The following ZNF292 variants were observed in gnomAD, a reference collection of about 807,000 sequenced individuals.
The protein encoded by ZNF292 is 16 zinc-finger domain protein.
Under a neutral mutation model 217.9 loss-of-function variants are expected in ZNF292, and 26 were observed. The observed-to-expected ratio is 0.12, with a 90% CI of 0.09 to 0.17. ZNF292 has a LOEUF of 0.17. Among genes scored for constraint, ZNF292 ranks in the 10% least tolerant of loss-of-function variants. ZNF292 has a pLI of 1.00. For missense variants in ZNF292, 2,904 were observed against 3,175.2 expected (o/e 0.91, Z 2.05); for synonymous variants, 1,257 against 1,124.1 (o/e 1.12, Z -2.37).
At position 87,257,931 on chromosome 6, in the gene ZNF292, G is replaced by A; in HGVS notation, c.4302G>A (p.Leu1434=). 1 of 1,613,880 alleles carries A rather than the reference G, an allele frequency of 6.2e-7. No homozygotes were observed. Among genetic ancestry groups the A allele is most frequent in the Non-Finnish European group, 8.5e-7 (1 of 1,179,820 alleles). ...SMILSTNAVN[L]QQPQQSTFNP... The stretch of plus-strand genomic sequence containing the variant: ...TTCTCTCCACAAATGCAGTAAATTT[G>A]CAGCAGCCACAACAATCTACCTTCA... Residue 1434 remains leucine (L), a synonymous_variant, in exon 8 of 8, where the codon TTG becomes TTA. Coordinates refer to ENST00000369577, the MANE Select transcript of ZNF292 (RefSeq NM_015021.3).
chr6:87,232,832 T>A (rs776384049), intron 4 of ZNF292, among the ~76,000 whole-genome samples: 53 of 152,220 alleles, frequency 3.5e-4, no homozygotes, highest in Non-Finnish European at 6.2e-4. Flanking sequence ...AAGTCAGATT[T>A]CAGCTTTGTA....
At chr6:87,234,074 A>G (rs1424777524) in intron 5 of ZNF292, among the ~76,000 whole-genome samples, 1 of 152,232 alleles carries the variant, frequency 6.6e-6, no homozygotes, top group African/African-American at 2.4e-5. Flanking sequence ...GGTATAAAGC[A>G]TAGTATTCAC....
At chr6:87,176,616 C>T (rs1378169501) in intron 1 of ZNF292, among the ~76,000 whole-genome samples, 2 of 152,224 alleles carry the variant, frequency 1.3e-5, no homozygotes, top group East Asian at 1.9e-4. Context: ...CTATCACCCT[C>T]AATGTTTTCT....
rs541127683 is a variant in ZNF292 at position 87,176,994 on chromosome 6, C to T, written c.168+21235C>T. 2.6e-5 allele frequency among the ~76,000 whole-genome samples: 4 copies of T among 152,078 alleles called. No individual in the cohort carries two copies. The East Asian group carries it at 7.7e-4, about 29-fold the overall frequency. On this transcript the variant is annotated intron_variant, in intron 1 of 7. Coordinates refer to ENST00000369577, the MANE Select transcript of ZNF292 (RefSeq NM_015021.3). Reference sequence around the variant, plus strand: ...CTGTTGCTATTCTGATGCACCGCCTCCCCCGGCCCCCCACTCCTCCCCACA... The same window carrying T: ...CTGTTGCTATTCTGATGCACCGCCTTCCCCGGCCCCCCACTCCTCCCCACA...
chr6:87,229,932 G>T (rs1165686617), intron 4 of ZNF292, among the ~76,000 whole-genome samples: 1 of 151,826 alleles, frequency 6.6e-6, no homozygotes, highest in Non-Finnish European at 1.5e-5. Context: ...CTAGTAGATT[G>T]CTACGAAGTA....
intron 1 of ZNF292, among the ~76,000 whole-genome samples, chr6:87,183,569 T>C (rs557179612): frequency 3.3e-5 from 5 of 152,172 alleles, no homozygotes; most frequent in African/African-American, 1.2e-4. Flanking sequence ...CTGGAAAAAA[T>C]AATTTTTACA....
intron 5 of ZNF292, among the ~76,000 whole-genome samples, chr6:87,240,036 G>C (rs1057355799): frequency 2.5e-4 from 38 of 152,006 alleles, no homozygotes; most frequent in African/African-American, 9.2e-4. Flanking sequence ...GCCGAGATCA[G>C]ACCACTGCAC....
At chr6:87,232,800 A>T (rs956784545) in intron 4 of ZNF292, among the ~76,000 whole-genome samples, 1 of 152,134 alleles carries the variant, frequency 6.6e-6, no homozygotes, top group African/African-American at 2.4e-5. Flanking sequence ...ATTTTGATTC[A>T]TTATAAAACA....
rs747967885 is a variant in ZNF292, at chr6:87,261,473, C to T, written c.7844C>T (p.Pro2615Leu). The part of the protein sequence containing the change: ...KQKKNTDKDH[P>L]NTGNKKGSHS... Reference sequence around the variant, plus strand: ...AAGAAAAATACTGACAAAGACCATCCGAATACTGGAAACAAAAAAGGATCC... The same window carrying T: ...AAGAAAAATACTGACAAAGACCATCTGAATACTGGAAACAAAAAAGGATCC... Residue 2615 changes from proline (P) to leucine (L), a missense_variant, in exon 8 of 8, where the codon CCG (proline) becomes CTG (leucine). This residue lies in a region of ZNF292 where 380 missense variants were observed against 355.3 expected (regional missense o/e 1.07). Transcript: ENST00000369577. 13 of 1,603,876 alleles carry T rather than the reference C, an allele frequency of 8.1e-6. No homozygotes were observed. The highest frequency in any genetic ancestry group is 3.3e-5 in the South Asian group (3 of 89,824).
intron 1 of ZNF292, among the ~76,000 whole-genome samples, chr6:87,159,400 G>A (rs1361737862): frequency 6.6e-6 from 1 of 150,756 alleles, no homozygotes; most frequent in African/African-American, 2.4e-5. Context: ...TTTGAGAGAT[G>A]GGGTCTTGCT....
chr6:87,182,485 C>T (rs1457049486), intron 1 of ZNF292, among the ~76,000 whole-genome samples: 1 of 152,108 alleles, frequency 6.6e-6, no homozygotes, highest in East Asian at 1.9e-4. Flanking sequence ...CACTCCTACG[C>T]TTTTAGAGGA....
intron 5 of ZNF292, among the ~76,000 whole-genome samples, chr6:87,238,639 ATT>A (rs71018004): frequency 7.3e-6 from 1 of 136,122 alleles, no homozygotes; most frequent in Non-Finnish European, 1.6e-5. Context: ...GTAAGTATTT[ATT>A]TTTTTTATTT....
At position 87,218,587 on chromosome 6, in the gene ZNF292, T is replaced by C. The variant is rs761337881; in HGVS notation, c.403-9T>C. 5 of 1,524,060 alleles carry C rather than the reference T, an allele frequency of 3.3e-6. No individual in the cohort carries two copies. The South Asian group carries it at 5.1e-5, about 16-fold the overall frequency. The allele number at this position is 1,524,060 out of a possible 1,614,324, so 94.4% of individuals were successfully genotyped here. On this transcript the variant is annotated splice_polypyrimidine_tract_variant and intron_variant, in intron 3 of 7. Coordinates refer to ENST00000369577, the MANE Select transcript of ZNF292 (RefSeq NM_015021.3). The stretch of plus-strand genomic sequence containing the variant: ...TGTAATTCTTTGGATGTTTATTTAA[T>C]ATTTATAGGTAGCTCATGAAAAGCT...
rs141943870 is a variant in ZNF292, at chr6:87,229,229, C to T, written c.539-4096C>T. 3.6e-3 allele frequency among the ~76,000 whole-genome samples: 546 copies of T among 152,110 alleles called. 2 individuals carry two copies. Among genetic ancestry groups the T allele is most frequent in the African/African-American group, 0.013 (525 of 41,470 alleles). On this transcript the variant is annotated intron_variant, in intron 4 of 7. Transcript: ENST00000369577. ...TTTTGAACTGTTCATTGTTAGTGTA[C>T]AGATGCAACTGATATTTATGTGTGG...
chr6:87,182,834 A>G (rs1461878216), intron 1 of ZNF292, among the ~76,000 whole-genome samples: 4 of 152,206 alleles, frequency 2.6e-5, no homozygotes, highest in Non-Finnish European at 5.9e-5. Flanking sequence ...ATAAATCAGT[A>G]AAACAGCAGG....
intron 5 of ZNF292, among the ~76,000 whole-genome samples, chr6:87,241,715 C>T (rs950782698): frequency 1.1e-4 from 17 of 152,128 alleles, no homozygotes; most frequent in East Asian, 1.9e-4. Context: ...CCACCGTGTC[C>T]GGCCAGAGCT....
At chr6:87,234,123 G>A (rs1773785307) in intron 5 of ZNF292, among the ~76,000 whole-genome samples, 2 of 152,180 alleles carry the variant, frequency 1.3e-5, no homozygotes, top group South Asian at 4.1e-4. Context: ...TCTGAGAATG[G>A]AATCATGATC....
At chr6:87,247,259 C>A (rs1399552842) in intron 7 of ZNF292, among the ~76,000 whole-genome samples, 6 of 121,414 alleles carry the variant, frequency 4.9e-5, no homozygotes, top group African/African-American at 2.3e-4. Context: ...CCACCGCCCC[C>A]TGCCACCCGC....
intron 1 of ZNF292, among the ~76,000 whole-genome samples, chr6:87,209,104 A>ACCCCCCCCC (rs5878022): frequency 5.8e-5 from 8 of 137,304 alleles, no homozygotes; most frequent in African/African-American, 1.2e-4. Flanking sequence ...CCCCACTTTC[A>ACCCCCCCCC]CCCCCCCCTC....
Sources: allele counts gnomAD v4.1 joint callset (sites outside exome capture counted in the v4.1 genomes callset), GRCh38; gene constraint gnomAD v4.1.1; regional missense constraint gnomAD v4.1.1; transcripts MANE v1.5; gene names NCBI Gene and HGNC (gene_info 2026-07-23, HGNC 2026-07-21).